The following ADGRB3 variants were observed in gnomAD, a reference collection of about 807,000 sequenced individuals.
The protein encoded by ADGRB3 is brain-specific angiogenesis inhibitor 3.
A neutral mutation model predicts 193.4 loss-of-function variants in ADGRB3; 37 were observed. The observed-to-expected ratio is 0.19, with a 90% CI of 0.15 to 0.25. The LOEUF (loss-of-function observed/expected upper bound fraction) is 0.25. Ranked by LOEUF, ADGRB3 falls within the 10% of genes least tolerant of loss-of-function variation. ADGRB3 has a pLI of 1.00. For synonymous variants in ADGRB3, 690 were observed against 644.2 expected, an observed-to-expected ratio of 1.07 and a Z score of -1.08; for missense variants, 1,637 against 1,852.9, an observed-to-expected ratio of 0.88 and a Z score of 2.14.
At chr6:68,927,098 C>A (rs955442574) in intron 3 of ADGRB3, among the ~76,000 whole-genome samples, 5 of 152,092 alleles carry the variant, frequency 3.3e-5, no homozygotes, top group African/African-American at 1.2e-4. Context: ...CCCACCACTT[C>A]ATTGATAACA....
At chr6:68,855,927 A>G (rs1764975444) in intron 3 of ADGRB3, among the ~76,000 whole-genome samples, 1 of 152,168 alleles carries the variant, frequency 6.6e-6, no homozygotes, top group Non-Finnish European at 1.5e-5. Context: ...CTCATCTTGC[A>G]GCTCCCATAA....
rs200875652 is a variant in ADGRB3 at position 68,771,246 on chromosome 6, CT to C, written c.757+131822del. ...ATTATTGAATGCACAGTGTTTTCTT[CT>C]TTTTTTTCATAAGAAGTTGAAAAGG... On this transcript the variant is annotated intron_variant, in intron 3 of 31. Transcript: ENST00000370598. Among the ~76,000 whole-genome samples, 6 of 151,728 alleles carry C rather than the reference CT, an allele frequency of 4.0e-5. No homozygotes were observed. The East Asian group carries it at 7.7e-4, about 20-fold the overall frequency.
intron 15 of ADGRB3, among the ~76,000 whole-genome samples, chr6:69,055,509 A>T (rs946038808): frequency 2.0e-5 from 3 of 152,164 alleles, no homozygotes; most frequent in Non-Finnish European, 4.4e-5. Flanking sequence ...GTTTATGTAT[A>T]TACCACATTT....
intron 20 of ADGRB3, among the ~76,000 whole-genome samples, chr6:69,314,498 T>C (rs138624223): frequency 1.3e-3 from 195 of 151,734 alleles, no homozygotes; most frequent in Non-Finnish European, 8.6e-4. Context: ...TGCTTCAAAA[T>C]TTTCACAAAT....
intron 12 of ADGRB3, 123 bp downstream of exon 12, chr6:69,014,229 C>A: frequency 1.6e-6 from 1 of 618,154 alleles, no homozygotes; most frequent in South Asian, 3.0e-5. Context: ...AGGTTATATC[C>A]TAGTAATTTT....
intron 3 of ADGRB3, among the ~76,000 whole-genome samples, chr6:68,651,415 T>G (rs1768364440): frequency 6.6e-6 from 1 of 152,160 alleles, no homozygotes; most frequent in African/African-American, 2.4e-5. Flanking sequence ...TTCTTTCTGT[T>G]TAGTGGTTTC....
At chr6:69,338,820 A>G in intron 24 of ADGRB3, 96 bp from the exon 25 acceptor site, 1 of 977,024 alleles carries the variant, frequency 1.0e-6, no homozygotes, top group South Asian at 1.4e-5. Flanking sequence ...ACTTTTCTGC[A>G]TGAAATCGTA....
chr6:69,030,956 T>TTTTCTTTTCTTTTCTTTTTTC (rs58901577), intron 13 of ADGRB3, among the ~76,000 whole-genome samples: 1 of 72,372 alleles, frequency 1.4e-5, no homozygotes, highest in African/African-American at 5.8e-5. Flanking sequence ...TTCTTTTCTT[T>TTTTCTTTTCTTTTCTTTTTTC]TTTTCTTTTC....
intron 3 of ADGRB3, among the ~76,000 whole-genome samples, chr6:68,775,028 A>G (rs1766711099): frequency 6.6e-6 from 1 of 152,050 alleles, no homozygotes; most frequent in African/African-American, 2.4e-5. Context: ...CAGGGCATAA[A>G]GAAAGGTGAA....
intron 3 of ADGRB3, among the ~76,000 whole-genome samples, chr6:68,752,503 A>G (rs1251734894): frequency 1.3e-5 from 2 of 151,644 alleles, no homozygotes; most frequent in African/African-American, 4.8e-5. Context: ...GATCTCCTGA[A>G]CTCAGGTGAT....
intron 3 of ADGRB3, among the ~76,000 whole-genome samples, chr6:68,812,188 T>G (rs145500207): frequency 3.3e-5 from 5 of 152,206 alleles, no homozygotes; most frequent in Middle Eastern, 3.4e-3. Context: ...ATATAAGAAG[T>G]GTATATGTGG....
intron 3 of ADGRB3, among the ~76,000 whole-genome samples, chr6:68,738,122 G>A (rs893440247): frequency 6.6e-6 from 1 of 152,090 alleles, no homozygotes; most frequent in Admixed American, 6.6e-5. Context: ...TTGGGATAAG[G>A]GTTCTCATCA....
At chr6:68,938,505 A>G (rs1459154480) in intron 5 of ADGRB3, among the ~76,000 whole-genome samples, 2 of 151,460 alleles carry the variant, frequency 1.3e-5, no homozygotes, top group African/African-American at 2.4e-5. Flanking sequence ...TAATTAACAA[A>G]TATATTACTG....
intron 17 of ADGRB3, among the ~76,000 whole-genome samples, chr6:69,128,697 C>T (rs985209023): frequency 3.9e-5 from 6 of 152,150 alleles, no homozygotes; most frequent in Non-Finnish European, 7.4e-5. Context: ...TCTTCAGACT[C>T]TTTTTCAAAA....
chr6:68,642,378 C>T (rs1768103283), intron 3 of ADGRB3, among the ~76,000 whole-genome samples: 2 of 152,040 alleles, frequency 1.3e-5, no homozygotes, highest in African/African-American at 4.8e-5. Flanking sequence ...TATTGAAAAA[C>T]AATAGACTCT....
intron 12 of ADGRB3, 79 bp downstream of exon 12, chr6:69,014,185 A>C (rs774351128): frequency 9.9e-7 from 1 of 1,008,286 alleles, no homozygotes; most frequent in Non-Finnish European, 1.5e-6. Flanking sequence ...ATGGCTTGCT[A>C]TTTCAGGAAA....
chr6:69,235,941 C>T (rs1246116580), intron 19 of ADGRB3, among the ~76,000 whole-genome samples: 1 of 151,562 alleles, frequency 6.6e-6, no homozygotes, highest in Non-Finnish European at 1.5e-5. Context: ...TTTATATCCA[C>T]TTTTATTATT....
intron 17 of ADGRB3, among the ~76,000 whole-genome samples, chr6:69,165,570 C>A (rs565661007): frequency 6.6e-6 from 1 of 152,168 alleles, no homozygotes; most frequent in African/African-American, 2.4e-5. Context: ...CAAAAACAAG[C>A]TCACATTCTG....
chr6:68,839,402 T>C (rs1268245803), intron 3 of ADGRB3, among the ~76,000 whole-genome samples: 1 of 152,204 alleles, frequency 6.6e-6, no homozygotes, highest in Admixed American at 6.6e-5. Context: ...AAAAGAGCCG[T>C]ATGCCAAAAG....
Sources: gnomAD v4.1 joint callset for allele counts (sites outside exome capture counted in the v4.1 genomes callset) on GRCh38, gnomAD v4.1.1 for gene constraint, MANE v1.5 for transcripts, NCBI Gene and HGNC (gene_info 2026-07-23, HGNC 2026-07-21) for gene names.